The following CGNL1 variants were observed in gnomAD, a reference collection of about 807,000 sequenced individuals.
CGNL1 encodes cingulin like 1.
A neutral mutation model predicts 141.2 loss-of-function variants in CGNL1; 132 were observed. That is an observed-to-expected ratio of 0.93 (90% CI 0.81 to 1.08). The LOEUF (loss-of-function observed/expected upper bound fraction) is 1.08, where lower values mean the gene tolerates loss of function less well. Among genes scored for constraint, CGNL1 ranks in the 50% least tolerant of loss-of-function variants. CGNL1 has a pLI of 0.00. For missense variants in CGNL1, 1,870 were observed against 1,588.6 expected (o/e 1.18, Z -3.01); for synonymous variants, 690 against 622.1 (o/e 1.11, Z -1.63).
intron 8 of CGNL1, among the ~76,000 whole-genome samples, chr15:57,469,243 C>A (rs1314620194): frequency 1.3e-5 from 2 of 151,850 alleles, no homozygotes; most frequent in Admixed American, 1.3e-4. Context: ...CTGACCTGAG[C>A]AGGCATCGTC....
At chr15:57,440,977 T>TC (rs1436913302) in intron 3 of CGNL1, among the ~76,000 whole-genome samples, 11 of 151,996 alleles carry the variant, frequency 7.2e-5, no homozygotes, top group Non-Finnish European at 1.6e-4. Context: ...AATCAGGGTT[T>TC]CAGCCCTTAC....
In CGNL1 at chr15:57,528,816, G is replaced by T. The variant is rs2031781834; in HGVS notation, c.3201+1G>T. The T allele has an allele frequency of 6.2e-7, 1 of 1,613,340 alleles. No individual in the cohort carries two copies. Among genetic ancestry groups the T allele is most frequent in the Admixed American group, 1.7e-5 (1 of 60,000 alleles). On this transcript the variant is annotated splice_donor_variant, in intron 13 of 18. Coordinates refer to ENST00000281282, the MANE Select transcript of CGNL1 (RefSeq NM_032866.5). LOFTEE classifies it high-confidence loss of function. ...CAGCAGGCTGGTCAAGCAGATGGAG[G>T]TCTGTGGGCCGTACAGTGTGAGCTG... is the stretch of plus-strand genomic sequence containing the variant.
rs183114883 is a variant in CGNL1, at chr15:57,501,438, C to A, written c.2404-15342C>A. On this transcript the variant is annotated intron_variant, in intron 8 of 18. Coordinates refer to ENST00000281282, the MANE Select transcript of CGNL1 (RefSeq NM_032866.5). ...TGAGCACTCAGAAAATCTAGTGATG[C>A]CTGCCTAGGCAGAGAGCCCTGTCCT... 7.6e-4 allele frequency among the ~76,000 whole-genome samples: 115 copies of A among 152,308 alleles called. 1 individual carries two copies. In the East Asian group the frequency reaches 0.018, roughly 24 times the overall value.
intron 8 of CGNL1, among the ~76,000 whole-genome samples, chr15:57,503,635 A>G (rs977445654): frequency 1.2e-4 from 18 of 152,170 alleles, no homozygotes; most frequent in Non-Finnish European, 2.5e-4. Flanking sequence ...CTGCTGATTA[A>G]GACATACCTG....
chr15:57,406,409 C>A (rs1256239729), intron 1 of CGNL1, among the ~76,000 whole-genome samples: 1 of 152,168 alleles, frequency 6.6e-6, no homozygotes. Context: ...GAGGGCAGAG[C>A]ATTCTGAACT....
intron 8 of CGNL1, among the ~76,000 whole-genome samples, chr15:57,467,937 G>A (rs1165825515): frequency 1.3e-5 from 2 of 152,034 alleles, no homozygotes; most frequent in African/African-American, 2.4e-5. Flanking sequence ...TAATTCACCC[G>A]CCTTGGCCTG....
chr15:57,457,164 G>A (rs1332005542), intron 7 of CGNL1, among the ~76,000 whole-genome samples: 1 of 152,162 alleles, frequency 6.6e-6, no homozygotes, highest in Non-Finnish European at 1.5e-5. Flanking sequence ...GGACCCTGTG[G>A]AACTTCTGGG....
At chr15:57,501,003 T>C (rs941882489) in intron 8 of CGNL1, among the ~76,000 whole-genome samples, 5 of 152,182 alleles carry the variant, frequency 3.3e-5, no homozygotes, top group African/African-American at 1.2e-4. Context: ...ATAGAATACA[T>C]GTGTGGTGGG....
intron 12 of CGNL1, among the ~76,000 whole-genome samples, chr15:57,528,269 CA>C (rs60913934): frequency 2.7e-5 from 4 of 150,400 alleles, no homozygotes; most frequent in Admixed American, 1.3e-4. Flanking sequence ...AAAAAAAAGA[CA>C]AAAAAAAACT....
chr15:57,463,573 G>A (rs1227560359), intron 8 of CGNL1, among the ~76,000 whole-genome samples: 2 of 152,234 alleles, frequency 1.3e-5, no homozygotes, highest in African/African-American at 4.8e-5. Flanking sequence ...ACTGGGGTGT[G>A]GGCCAGCAAG....
chr15:57,527,588 T>A (rs561077175), intron 12 of CGNL1: 1 of 152,378 alleles, frequency 6.6e-6, no homozygotes, highest in South Asian at 2.1e-4. Context: ...CTGGCTGGTC[T>A]CCCCAGGGAG....
intron 1 of CGNL1, among the ~76,000 whole-genome samples, chr15:57,381,977 G>A (rs1567084492): frequency 6.6e-6 from 1 of 152,224 alleles, no homozygotes; most frequent in African/African-American, 2.4e-5. Context: ...CTAGGTTAGA[G>A]AGACGTGATT....
chr15:57,471,588 C>T (rs1362947245), intron 8 of CGNL1, among the ~76,000 whole-genome samples: 1 of 152,224 alleles, frequency 6.6e-6, no homozygotes, highest in Non-Finnish European at 1.5e-5. Flanking sequence ...GGAAGCACAG[C>T]TGAGGAGCTT....
At chr15:57,470,256 C>CTTTTTTTTTTTTTTTTTT (rs60982599) in intron 8 of CGNL1, among the ~76,000 whole-genome samples, 1 of 113,994 alleles carries the variant, frequency 8.8e-6, no homozygotes, top group Non-Finnish European at 1.7e-5. Flanking sequence ...TTTTGTCTCT[C>CTTTTTTTTTTTTTTTTTT]TTTTTTTTTT....
Position 57,456,807 on chromosome 15 carries a change from G to T in CGNL1, c.2190+2989G>T, listed in dbSNP as rs538156373. Among the ~76,000 whole-genome samples, 3 of 152,292 alleles carry T rather than the reference G, an allele frequency of 2.0e-5. No individual in the cohort carries two copies. In the East Asian group the frequency reaches 5.8e-4, roughly 29 times the overall value. On this transcript the variant is annotated intron_variant, in intron 7 of 18. Transcript: ENST00000281282. ...ATGTCTGCTTTGATGGGAGCCTGCG[G>T]TGCTGAGAGATGGGCCTCACTCCAG...
chr15:57,408,951 G>T (rs1247344500), intron 1 of CGNL1, among the ~76,000 whole-genome samples: 3 of 151,950 alleles, frequency 2.0e-5, no homozygotes, highest in African/African-American at 7.3e-5. Flanking sequence ...TGAGGCAGGA[G>T]AATCGCTTGA....
chr15:57,453,856 C>T (rs1380782042), intron 7 of CGNL1, 38 bp downstream of exon 7: 1 of 1,608,092 alleles, frequency 6.2e-7, no homozygotes, highest in Non-Finnish European at 8.5e-7. Flanking sequence ...AAGACAGGCC[C>T]CACCTGCCTG....
intron 1 of CGNL1, among the ~76,000 whole-genome samples, chr15:57,400,307 G>A (rs1045557380): frequency 1.3e-5 from 2 of 152,052 alleles, no homozygotes; most frequent in African/African-American, 2.4e-5. Flanking sequence ...CTCATTCTTA[G>A]GTCTGCCTTT....
At chr15:57,430,292 C>T (rs2063029269) in intron 1 of CGNL1, among the ~76,000 whole-genome samples, 1 of 152,122 alleles carries the variant, frequency 6.6e-6, no homozygotes, top group African/African-American at 2.4e-5. Flanking sequence ...AGTCAGGTGC[C>T]ATTACTTGTC....
Sources: allele counts gnomAD v4.1 joint callset (sites outside exome capture counted in the v4.1 genomes callset), GRCh38; gene constraint gnomAD v4.1.1; transcripts MANE v1.5; gene names NCBI Gene and HGNC (gene_info 2026-07-23, HGNC 2026-07-21).